The following NAV3 variants were observed in gnomAD, a reference collection of about 807,000 sequenced individuals.
The protein encoded by NAV3 is pore membrane and/or filament interacting like protein 1.
NAV3 carries 87 observed loss-of-function variants against 244.7 expected under a neutral mutation model. That is an observed-to-expected ratio of 0.36 (90% CI 0.30 to 0.42). The LOEUF is 0.42. Ranked by LOEUF, NAV3 falls within the 20% of genes least tolerant of loss-of-function variation. The pLI, the probability that NAV3 is intolerant of heterozygous loss-of-function variation, is 1.00. For missense variants in NAV3, 2,663 were observed against 2,893.3 expected (o/e 0.92, Z 1.83); for synonymous variants, 1,126 against 1,042.2 (o/e 1.08, Z -1.55).
rs75204460 is a variant in NAV3, at chr12:77,604,168, G to T, written c.72+31902G>T. The stretch of plus-strand genomic sequence containing the variant: ...GGCAGAGCAGTGCCAAGACCCAGAT[G>T]GAGTCAGAAACCATCAATCATACCA... On this transcript the variant is annotated intron_variant, in intron 2 of 8. Transcript: ENST00000550042. 8.9e-3 allele frequency among the ~76,000 whole-genome samples: 1,361 copies of T among 152,118 alleles called. 23 individuals are homozygous for T. Among genetic ancestry groups the T allele is most frequent in the African/African-American group, 0.031 (1,290 of 41,514 alleles).
chr12:77,880,785 T>C (rs1882533608), intron 1 of NAV3, among the ~76,000 whole-genome samples: 1 of 152,174 alleles, frequency 6.6e-6, no homozygotes, highest in African/African-American at 2.4e-5. Context: ...GTTTCTAACA[T>C]AAGAACGATA....
chr12:78,027,413 A>C (rs1878243020), intron 9 of NAV3, among the ~76,000 whole-genome samples: 1 of 150,230 alleles, frequency 6.7e-6, no homozygotes, highest in Admixed American at 6.7e-5. Context: ...CACTGCACTC[A>C]AGCCTGGGTG....
intron 2 of NAV3, among the ~76,000 whole-genome samples, chr12:77,654,560 T>C (rs1360429516): frequency 6.6e-6 from 1 of 152,148 alleles, no homozygotes; most frequent in African/African-American, 2.4e-5. Context: ...CAGTAACCTC[T>C]GCAGACTTAA....
rs540243329 is a variant in NAV3 at position 77,922,124 on chromosome 12, G to T, written c.244-18195G>T. 3.9e-5 allele frequency among the ~76,000 whole-genome samples: 6 copies of T among 152,198 alleles called. No individual in the cohort carries two copies. In the South Asian group the frequency reaches 1.2e-3, roughly 32 times the overall value. ...TATGCGTAGCAGAAGCTACCTCCTT[G>T]GTCAGCCCTGAAAACACTTCAATTT... On this transcript the variant is annotated intron_variant, in intron 1 of 39. Coordinates refer to ENST00000397909, the MANE Select transcript of NAV3 (RefSeq NM_001024383.2).
intron 2 of NAV3, among the ~76,000 whole-genome samples, chr12:77,802,964 G>A (rs1433705911): frequency 2.0e-5 from 3 of 152,118 alleles, no homozygotes; most frequent in Non-Finnish European, 4.4e-5. Flanking sequence ...ACCACACCTG[G>A]CCTTGCACCT....
intron 9 of NAV3, among the ~76,000 whole-genome samples, chr12:78,029,014 G>A (rs1878533659): frequency 6.6e-6 from 1 of 152,042 alleles, no homozygotes; most frequent in African/African-American, 2.4e-5. Context: ...TGTCATATAT[G>A]CTGTTGTCAA....
chr12:77,741,996 G>A (rs376421457), intron 2 of NAV3, among the ~76,000 whole-genome samples: 1 of 151,902 alleles, frequency 6.6e-6, no homozygotes, highest in Admixed American at 6.6e-5. Context: ...TTCATATACA[G>A]CTTCACAAAG....
chr12:77,898,653 C>T (rs1212055033), intron 1 of NAV3, among the ~76,000 whole-genome samples: 1 of 152,126 alleles, frequency 6.6e-6, no homozygotes, highest in Non-Finnish European at 1.5e-5. Context: ...AACATAATTT[C>T]CTGTCAAAAT....
At chr12:77,900,298 G>C (rs112301122) in intron 1 of NAV3, among the ~76,000 whole-genome samples, 5 of 151,910 alleles carry the variant, frequency 3.3e-5, no homozygotes, top group Non-Finnish European at 2.9e-5. Context: ...GGATGGTCTC[G>C]ATCTCCTGAC....
chr12:78,098,601 C>T (rs1031402546), intron 12 of NAV3, among the ~76,000 whole-genome samples: 2 of 151,536 alleles, frequency 1.3e-5, no homozygotes, highest in Admixed American at 6.6e-5. Context: ...AAAAATATTA[C>T]AGAAGAAAAT....
At chr12:77,994,112 A>G (rs1871913927) in intron 5 of NAV3, among the ~76,000 whole-genome samples, 1 of 152,388 alleles carries the variant, frequency 6.6e-6, no homozygotes, top group East Asian at 1.9e-4. Context: ...TGATTTAAAA[A>G]ATCATTGAGA....
At chr12:78,044,497 A>G (rs1252533662) in intron 9 of NAV3, among the ~76,000 whole-genome samples, 2 of 152,184 alleles carry the variant, frequency 1.3e-5, no homozygotes, top group Non-Finnish European at 2.9e-5. Flanking sequence ...TGGGGATAGC[A>G]TTGAATCTCT....
At chr12:77,743,557 GTTCA>G (rs2137407525) in intron 2 of NAV3, among the ~76,000 whole-genome samples, 1 of 151,864 alleles carries the variant, frequency 6.6e-6, no homozygotes, top group Non-Finnish European at 1.5e-5. Context: ...ATAAATGAAT[GTTCA>G]TTCATAAGTG....
chr12:77,747,690 A>G (rs2135788122), intron 2 of NAV3, among the ~76,000 whole-genome samples: 1 of 152,320 alleles, frequency 6.6e-6, no homozygotes, highest in South Asian at 2.1e-4. Flanking sequence ...ACACCATGGA[A>G]TACTAAGCAG....
At chr12:78,176,006 C>T (rs779536072) in intron 25 of NAV3, among the ~76,000 whole-genome samples, 36 of 152,040 alleles carry the variant, frequency 2.4e-4, no homozygotes, top group South Asian at 8.3e-4. Flanking sequence ...CAGGGCTTAC[C>T]GTGTGAATAG....
At chr12:78,085,166 A>G (rs1953566674) in intron 12 of NAV3, among the ~76,000 whole-genome samples, 1 of 152,180 alleles carries the variant, frequency 6.6e-6, no homozygotes, top group Non-Finnish European at 1.5e-5. Context: ...TGTATTTGCA[A>G]TAACAAGTAA....
chr12:78,113,750 A>G (rs1955226913), intron 12 of NAV3, among the ~76,000 whole-genome samples: 1 of 152,180 alleles, frequency 6.6e-6, no homozygotes, highest in South Asian at 2.1e-4. Context: ...TTGTCTTATT[A>G]AGATTTGGCT....
At chr12:77,839,343 C>T (rs771825004) in intron 1 of NAV3, among the ~76,000 whole-genome samples, 13 of 152,188 alleles carry the variant, frequency 8.5e-5, no homozygotes, top group Non-Finnish European at 1.8e-4. Context: ...CTCCATATTT[C>T]CTATTTCACA....
intron 2 of NAV3, among the ~76,000 whole-genome samples, chr12:77,656,685 C>T (rs1403017722): frequency 6.9e-6 from 1 of 145,858 alleles, no homozygotes; most frequent in Admixed American, 6.8e-5. Flanking sequence ...ACACCTATTC[C>T]AAAATTGACC....
Sources: allele counts gnomAD v4.1 joint callset (sites outside exome capture counted in the v4.1 genomes callset), GRCh38; gene constraint gnomAD v4.1.1; transcripts MANE v1.5; gene names NCBI Gene and HGNC (gene_info 2026-07-23, HGNC 2026-07-21).